The following PKHD1L1 variants were observed in gnomAD, a reference collection of about 807,000 sequenced individuals.
The protein encoded by PKHD1L1 is PKHD1 like 1.
PKHD1L1 carries 434 observed loss-of-function variants against 462.9 expected under a neutral mutation model. The observed-to-expected ratio is 0.94, with a 90% confidence interval of 0.87 to 1.02. PKHD1L1 has a LOEUF of 1.02. PKHD1L1 is among the 50% of genes least tolerant of loss of function. The pLI is 0.00. For synonymous variants in PKHD1L1, 1,781 were observed against 1,750.0 expected (o/e 1.02, Z -0.44); for missense variants, 5,202 against 5,096.1 (o/e 1.02, Z -0.63).
At chr8:109,433,341 AT>A in intron 28 of PKHD1L1, 125 bp downstream of exon 28, 10 of 856,498 alleles carry the variant, frequency 1.2e-5, no homozygotes, top group African/African-American at 3.4e-5. Context: ...AATTATCATG[AT>A]CCCTATGGGG....
At chr8:109,367,492 T>C (rs1301287524) in intron 2 of PKHD1L1, among the ~76,000 whole-genome samples, 1 of 152,270 alleles carries the variant, frequency 6.6e-6, no homozygotes, top group Non-Finnish European at 1.5e-5. Flanking sequence ...AAAGATCTAC[T>C]GTTAACATTT....
intron 67 of PKHD1L1, chr8:109,499,251 A>G (rs1819279356): frequency 6.4e-6 from 1 of 155,300 alleles, no homozygotes; most frequent in Admixed American, 6.3e-5. Flanking sequence ...ATAATTATAT[A>G]TAAATTAATG....
In PKHD1L1 at chr8:109,420,197, T is replaced by C. The variant is rs1223622221; in HGVS notation, c.2525-321T>C. On this transcript the variant is annotated intron_variant, in intron 22 of 77. Coordinates refer to ENST00000378402, the MANE Select transcript of PKHD1L1 (RefSeq NM_177531.6). ...GGATGTAGAACAGAACAAAGCTAAC[T>C]AACCACAGAAGGCTGCAGGAAACCC... Among the ~76,000 whole-genome samples the C allele has an allele frequency of 2.0e-5, 3 of 152,150 alleles. No homozygotes were observed. The East Asian group carries it at 5.8e-4, about 29-fold the overall frequency.
At position 109,531,701 on chromosome 8, in the gene PKHD1L1, A is replaced by G. The variant is rs1821045648; in HGVS notation, c.*1611A>G. Among the ~76,000 whole-genome samples, 1 of 152,210 alleles carries G rather than the reference A, an allele frequency of 6.6e-6. No individual in the cohort carries two copies. Among genetic ancestry groups the G allele is most frequent in the African/African-American group, 2.4e-5 (1 of 41,456 alleles). Reference sequence around the variant, plus strand: ...GAATTGCAGGTAAGAGGTCCCTGACAAGGTAGTCTTCAAAGTATACATGAA... The same window carrying G: ...GAATTGCAGGTAAGAGGTCCCTGACGAGGTAGTCTTCAAAGTATACATGAA... On this transcript the variant is annotated 3_prime_UTR_variant, in exon 78 of 78. Transcript: ENST00000378402.
chr8:109,383,220 A>T, intron 4 of PKHD1L1, among the ~76,000 whole-genome samples: 1 of 100,378 alleles, frequency 1.0e-5, no homozygotes, highest in East Asian at 2.5e-4. Flanking sequence ...TAATATAATT[A>T]TATATTATAT....
Position 109,452,296 on chromosome 8 carries a change from G to A in PKHD1L1, c.6507+16G>A, listed in dbSNP as rs764047609. ...GGCCAAACTGGTAATAGTGCTGTTG[G>A]GTATAGTAATCACAGCAATAGAAAA... is the stretch of plus-strand genomic sequence containing the variant. On this transcript the variant is annotated intron_variant, in intron 42 of 77. Transcript: ENST00000378402. The A allele has an allele frequency of 6.5e-7, 1 of 1,545,522 alleles. No homozygotes were observed. Among genetic ancestry groups the A allele is most frequent in the Admixed American group, 1.9e-5 (1 of 53,306 alleles).
At chr8:109,486,219 T>G (rs1818517983) in intron 58 of PKHD1L1, among the ~76,000 whole-genome samples, 1 of 151,494 alleles carries the variant, frequency 6.6e-6, no homozygotes, top group Non-Finnish European at 1.5e-5. Flanking sequence ...GTGGCAGGAG[T>G]GTTAATAGCT....
chr8:109,518,381 A>T lies in PKHD1L1; in HGVS notation c.11904A>T (p.Ile3968=), dbSNP rs1278694151. 1.2e-6 allele frequency: 2 copies of T among 1,613,384 alleles called. No homozygotes were observed. The highest frequency in any genetic ancestry group is 1.7e-6 in the Non-Finnish European group (2 of 1,179,532). Residue 3968 remains isoleucine, a synonymous_variant, in exon 73 of 78, where the codon ATA becomes ATT. Coordinates refer to ENST00000378402, the MANE Select transcript of PKHD1L1 (RefSeq NM_177531.6). The part of the protein sequence containing the change: ...LVKNLALFLK[I]PSDKIRISKI... Reference sequence around the variant, plus strand: ...AAAATCTTGCCTTGTTCCTAAAGATACCAAGTGACAAAATCCGTATCAGCA... The same window carrying T: ...AAAATCTTGCCTTGTTCCTAAAGATTCCAAGTGACAAAATCCGTATCAGCA...
intron 47 of PKHD1L1, among the ~76,000 whole-genome samples, chr8:109,460,430 G>A (rs1463084936): frequency 6.6e-6 from 1 of 152,102 alleles, no homozygotes; most frequent in African/African-American, 2.4e-5. Context: ...GGAATGATGG[G>A]GGGAAAATCT....
chr8:109,511,658 T>G (rs923375146), intron 71 of PKHD1L1, among the ~76,000 whole-genome samples: 1 of 152,224 alleles, frequency 6.6e-6, no homozygotes, highest in African/African-American at 2.4e-5. Context: ...TAAACATACG[T>G]GTGCATGTGT....
intron 38 of PKHD1L1, among the ~76,000 whole-genome samples, chr8:109,446,589 C>T (rs1015472015): frequency 1.3e-5 from 2 of 152,076 alleles, no homozygotes; most frequent in Admixed American, 6.6e-5. Flanking sequence ...AGTTTGCTGT[C>T]GAAATCTTCT....
At chr8:109,496,149 C>T (rs1350287183) in intron 63 of PKHD1L1, among the ~76,000 whole-genome samples, 1 of 152,162 alleles carries the variant, frequency 6.6e-6, no homozygotes, top group Non-Finnish European at 1.5e-5. Flanking sequence ...TCTGTACTAC[C>T]TTCTAGGCTC....
At chr8:109,501,516 C>T (rs1819412466) in intron 67 of PKHD1L1, among the ~76,000 whole-genome samples, 2 of 152,122 alleles carry the variant, frequency 1.3e-5, no homozygotes, top group African/African-American at 4.8e-5. Context: ...TCTGATGTCG[C>T]CAACTTTAAT....
In PKHD1L1 at chr8:109,444,997, A is replaced by G; in HGVS notation, c.5128A>G (p.Ile1710Val). The G allele has an allele frequency of 6.2e-7, 1 of 1,613,996 alleles. No homozygotes were observed. Among genetic ancestry groups the G allele is most frequent in the East Asian group, 2.2e-5 (1 of 44,880 alleles). The change falls in exon 38 of 78, where the codon ATT becomes GTT. Residue 1710 changes from isoleucine (I) to valine (V), a missense_variant. Physicochemically the swap from Ile to Val is conservative, Grantham distance 29. This residue lies in a region of PKHD1L1 where 4,497 missense variants were observed against 4,336.8 expected (regional missense o/e 1.04). Coordinates refer to ENST00000378402, the MANE Select transcript of PKHD1L1 (RefSeq NM_177531.6). Reference protein sequence around the residue: ...CKVLSVNYTAIECETSPAAQQ... With the variant: ...CKVLSVNYTAVECETSPAAQQ... ...AGTTCTATCAGTGAATTATACGGCCATTGAATGTGAAACATCCCCTGCTGC... is the reference window on the plus strand; with the variant it reads ...AGTTCTATCAGTGAATTATACGGCCGTTGAATGTGAAACATCCCCTGCTGC...
chr8:109,381,171 T>C (rs1223612839), intron 2 of PKHD1L1, among the ~76,000 whole-genome samples, 199 bp from the exon 3 acceptor site: 1 of 152,178 alleles, frequency 6.6e-6, no homozygotes, highest in Non-Finnish European at 1.5e-5. Context: ...CCAGCAATAC[T>C]TTTATGAGTA....
chr8:109,464,691 G>T lies in PKHD1L1; in HGVS notation c.7859G>T (p.Gly2620Val), dbSNP rs1339418245. Reference protein sequence around the residue: ...EFFNNTVHSQGWFGMWIFEEY... With the variant: ...EFFNNTVHSQVWFGMWIFEEY... The stretch of plus-strand genomic sequence containing the variant: ...TTTAACAATACTGTCCATTCTCAAG[G>T]TTGGTTTGGAATGTGGATCTTTGAG... Residue 2620 changes from glycine to valine, a missense_variant, in exon 49 of 78, where the codon GGT (glycine) becomes GTT (valine). Transcript: ENST00000378402. The T allele has an allele frequency of 1.9e-6, 3 of 1,613,614 alleles. No homozygotes were observed. Among genetic ancestry groups the T allele is most frequent in the Non-Finnish European group, 2.5e-6 (3 of 1,179,800 alleles).
chr8:109,413,546 G>A lies in PKHD1L1; in HGVS notation c.2360+1G>A. On this transcript the variant is annotated splice_donor_variant, in intron 21 of 77. Transcript: ENST00000378402. LOFTEE classifies it high-confidence loss of function. ...CATACAACTTTGCTTATGGAAACAA[G>A]TAAGTTACGCTATGAATTTGAAAAT... is the stretch of plus-strand genomic sequence containing the variant. 1 of 1,513,938 alleles carries A rather than the reference G, an allele frequency of 6.6e-7. No homozygotes were observed. The allele number at this position is 1,513,938 out of a possible 1,614,324, so 93.8% of individuals were successfully genotyped here. A position where few individuals can be genotyped will look rare whatever the true frequency, so the allele number is the denominator to read the frequency against.
intron 10 of PKHD1L1, among the ~76,000 whole-genome samples, 176 bp from the exon 11 acceptor site, chr8:109,395,851 T>C (rs914903009): frequency 1.3e-5 from 2 of 152,210 alleles, no homozygotes; most frequent in African/African-American, 2.4e-5. Flanking sequence ...GCCATGTCTA[T>C]TGTCCTTTTT....
In PKHD1L1 at chr8:109,451,083, C is replaced by T. The variant is rs1354174656; in HGVS notation, c.6284C>T (p.Ala2095Val). ...GTGTCACTGACTCCACTCATCACTG[C>T]AGTATCTCCTAAGAGAGGCAGTACA... Reference protein sequence around the residue: ...YAVSLTPLITAVSPKRGSTAG... With the variant: ...YAVSLTPLITVVSPKRGSTAG... The change falls in exon 41 of 78, where the codon GCA becomes GTA. Residue 2095 changes from alanine (A) to valine (V), a missense_variant. By Grantham distance (64) the Ala-to-Val change is moderately conservative (BLOSUM62 0). Transcript: ENST00000378402. 6.2e-7 allele frequency: 1 copy of T among 1,613,724 alleles called. No individual in the cohort carries two copies. The highest frequency in any genetic ancestry group is 1.7e-5 in the Admixed American group (1 of 59,992).
Sources: allele counts gnomAD v4.1 joint callset (sites outside exome capture counted in the v4.1 genomes callset), GRCh38; gene constraint gnomAD v4.1.1; regional missense constraint gnomAD v4.1.1; transcripts MANE v1.5; gene names NCBI Gene and HGNC (gene_info 2026-07-23, HGNC 2026-07-21).